Variants in AKT2 observed in about 807,000 individuals in gnomAD.
The protein encoded by AKT2 is RAC-beta serine/threonine-protein kinase.
Under a neutral mutation model 58.6 loss-of-function variants are expected in AKT2, and 16 were observed. That is an observed-to-expected ratio of 0.27 (90% CI 0.18 to 0.41). The LOEUF (loss-of-function observed/expected upper bound fraction) is 0.41, where lower values mean the gene tolerates loss of function less well. AKT2 is among the 10% of genes least tolerant of loss of function. The probability of loss-of-function intolerance (pLI) is 1.00; values close to 1 mark genes in which losing one functional copy is unlikely to be tolerated. For missense variants in AKT2, 438 were observed against 661.0 expected, an observed-to-expected ratio of 0.66 and a Z score of 3.70; for synonymous variants, 253 against 254.0, an observed-to-expected ratio of 1.00 and a Z score of 0.04.
chr19:40,234,471 G>A lies in AKT2; in HGVS notation c.1367-520C>T, dbSNP rs1302247119. On this transcript the variant is annotated intron_variant, in intron 13 of 13. Coordinates refer to ENST00000392038, the MANE Select transcript of AKT2 (RefSeq NM_001626.6). This position sits in a 1 kb window ranked among gnomAD's most constrained non-coding sequence, Gnocchi z 4.7. ...CACCACCATCTCCCTGGCTGCTGCC[G>A]GTCCTTAGCTATGCCATGCTTCTCC... 2.2e-5 allele frequency: 5 copies of A among 231,552 alleles called. No homozygotes were observed. The highest frequency in any genetic ancestry group is 3.4e-5 in the Non-Finnish European group (4 of 118,546). 14.3% of individuals were successfully genotyped at this position (231,552 alleles called of 1,614,324 possible).
chr19:40,252,284 G>C (rs995013815), intron 4 of AKT2, among the ~76,000 whole-genome samples: 1 of 152,168 alleles, frequency 6.6e-6, no homozygotes, highest in African/African-American at 2.4e-5. Context: ...CATAGTTAAG[G>C]TCAGAAATCT....
chr19:40,275,568 C>G (rs1473665018), intron 1 of AKT2: 1 of 346,082 alleles, frequency 2.9e-6, no homozygotes, highest in Non-Finnish European at 5.8e-6. Flanking sequence ...GGAGAGGGAC[C>G]GCAACCAGAG....
intron 10 of AKT2, 52 bp downstream of exon 10, chr19:40,236,205 G>A (rs2145166770): frequency 6.2e-7 from 1 of 1,613,376 alleles, no homozygotes; most frequent in Non-Finnish European, 8.5e-7. Context: ...AGGTCTGGGG[G>A]ATCCCCCTAC....
chr19:40,238,790 T>C lies in AKT2; in HGVS notation c.708+115A>G, dbSNP rs3730051. 0.25 allele frequency: 285,083 copies of C among 1,118,092 alleles called. 37,613 individuals carry two copies. The highest frequency in any genetic ancestry group is 0.31 in the East Asian group (13,270 of 42,364). 69.3% of individuals were successfully genotyped at this position (1,118,092 alleles called of 1,614,324 possible). ...CGCCTGCCTCAAGGGAGAGGGGCAC[T>C]AGATGACACTGAAATTTCCCTCCAC... On this transcript the variant is annotated intron_variant, in intron 8 of 13. Coordinates refer to ENST00000392038, the MANE Select transcript of AKT2 (RefSeq NM_001626.6). The surrounding 1 kb of genome is among the most constrained non-coding windows in gnomAD (Gnocchi z 5.1).
rs1266494541 is a variant in AKT2, at chr19:40,231,476, G to GCT, written c.*2394_*2395dup. The GCT allele has an allele frequency of 2.6e-5, 6 of 233,186 alleles. No individual in the cohort carries two copies. The highest frequency in any genetic ancestry group is 4.2e-5 in the Non-Finnish European group (5 of 118,060). 14.4% of individuals were successfully genotyped at this position (233,186 alleles called of 1,614,324 possible). On this transcript the variant is annotated 3_prime_UTR_variant, in exon 14 of 14. Transcript: ENST00000392038. The stretch of plus-strand genomic sequence containing the variant: ...CCCAACCAAACGAGTCCTAGCTGTA[G>GCT]CTAACTCTGATTTCTGTAAATTGGA...
Position 40,235,931 on chromosome 19 carries a change from C to A in AKT2, c.1134G>T (p.Lys378Asn), listed in dbSNP as rs1973994786. The A allele has an allele frequency of 1.2e-6, 2 of 1,613,548 alleles. No individual in the cohort carries two copies. The highest frequency in any genetic ancestry group is 2.2e-5 in the South Asian group (2 of 91,094). The change falls in exon 11 of 14, where the codon AAG (lysine) becomes AAT (asparagine). Residue 378 changes from lysine to asparagine, a missense_variant. By Grantham distance (94) the Lys-to-Asn change is moderately conservative (BLOSUM62 0). This residue lies in a region of AKT2 where 148 missense variants were observed against 199.5 expected (regional missense o/e 0.74). Transcript: ENST00000392038. The surrounding 1 kb of genome is among the most constrained non-coding windows in gnomAD (Gnocchi z 6.3). Reference sequence around the variant, plus strand: ...TCTTAAGCAGCCCAGCAAGCAGGGACTTGGCCTCGGGGCTGAGCGTGCGCG... The same window carrying A: ...TCTTAAGCAGCCCAGCAAGCAGGGAATTGGCCTCGGGGCTGAGCGTGCGCG... The part of the protein sequence containing the change: ...RFPRTLSPEA[K>N]SLLAGLLKKD...
At chr19:40,263,792 C>T (rs1976138289) in intron 2 of AKT2, among the ~76,000 whole-genome samples, 1 of 152,186 alleles carries the variant, frequency 6.6e-6, no homozygotes, top group Non-Finnish European at 1.5e-5. Context: ...GCCTGCAGCG[C>T]CAGCTTCCTG....
intron 1 of AKT2, chr19:40,282,337 G>A (rs1391217225): frequency 1.6e-5 from 6 of 381,736 alleles, no homozygotes; most frequent in African/African-American, 4.2e-5. Context: ...GTCCAAGGTC[G>A]CAGAGCTAGA....
intron 4 of AKT2, among the ~76,000 whole-genome samples, chr19:40,254,326 G>A (rs1226643120): frequency 1.3e-5 from 2 of 152,200 alleles, no homozygotes; most frequent in Admixed American, 6.5e-5. Flanking sequence ...CCAAAAGTTC[G>A]AGACCAGTGT....
chr19:40,269,169 A>AGG (rs1203647394), intron 1 of AKT2: 1 of 152,290 alleles, frequency 6.6e-6, no homozygotes, highest in African/African-American at 2.4e-5. Context: ...ACACTCAGGC[A>AGG]GGGGGACAGA....
chr19:40,242,765 G>T lies in AKT2; in HGVS notation c.288-78C>A. 1 of 1,508,258 alleles carries T rather than the reference G, an allele frequency of 6.6e-7. No homozygotes were observed. Among genetic ancestry groups the T allele is most frequent in the Non-Finnish European group, 9.0e-7 (1 of 1,105,990 alleles). The allele number at this position is 1,508,258 out of a possible 1,614,324, so 93.4% of individuals were successfully genotyped here. ...TCGAACAGCTGAGTGCCACCTCCCA[G>T]CCACCCCCAGCAACAGGCAAGCAAA... On this transcript the variant is annotated intron_variant, in intron 4 of 13. Transcript: ENST00000392038. This position sits in a 1 kb window ranked among gnomAD's most constrained non-coding sequence, Gnocchi z 4.3.
chr19:40,282,530 C>G (rs1411205735), intron 1 of AKT2: 3 of 531,672 alleles, frequency 5.6e-6, no homozygotes, highest in South Asian at 1.4e-5. Context: ...ATGCTCAGGG[C>G]AGCCTGAGGC....
intron 1 of AKT2, among the ~76,000 whole-genome samples, chr19:40,281,572 A>G (rs1049579634): frequency 2.0e-5 from 3 of 151,880 alleles, no homozygotes; most frequent in African/African-American, 7.3e-5. Flanking sequence ...TCAGGGCTGC[A>G]AAGCCACTGC....
Position 40,242,492 on chromosome 19 carries a change from G to C in AKT2, c.441+42C>G. ...GAGCAGGCCAGCACTGGGGGTGGGGGCACCGCAGGCTGGCAGCCCCACCCC... is the reference window on the plus strand; with the variant it reads ...GAGCAGGCCAGCACTGGGGGTGGGGCCACCGCAGGCTGGCAGCCCCACCCC... On this transcript the variant is annotated intron_variant, in intron 5 of 13. Transcript: ENST00000392038. The surrounding 1 kb of genome is among the most constrained non-coding windows in gnomAD (Gnocchi z 4.3). 6.2e-7 allele frequency: 1 copy of C among 1,611,062 alleles called. No individual in the cohort carries two copies. Among genetic ancestry groups the C allele is most frequent in the Non-Finnish European group, 8.5e-7 (1 of 1,179,526 alleles).
chr19:40,247,202 T>A (rs1055997432), intron 4 of AKT2, among the ~76,000 whole-genome samples: 1 of 152,174 alleles, frequency 6.6e-6, no homozygotes, highest in African/African-American at 2.4e-5. Flanking sequence ...CAACATGGCG[T>A]CTGGGGCAAA....
chr19:40,241,821 T>C, intron 6 of AKT2, 117 bp downstream of exon 6: 2 of 1,478,948 alleles, frequency 1.4e-6, no homozygotes, highest in Non-Finnish European at 1.8e-6. Context: ...AGGGGGAATT[T>C]GTGGGGGAAA....
rs1322051536 is a variant in AKT2, at chr19:40,230,535, G to GA, written c.*3336dup. 4 of 227,512 alleles carry GA rather than the reference G, an allele frequency of 1.8e-5. No individual in the cohort carries two copies. The highest frequency in any genetic ancestry group is 3.5e-5 in the Non-Finnish European group (4 of 114,588). 14.1% of individuals were successfully genotyped at this position (227,512 alleles called of 1,614,324 possible). ...CATCAGTGCACGAGGGCAGCCCCCA[G>GA]AGGCTTCACATTAACTGGAAAAGAT... is the stretch of plus-strand genomic sequence containing the variant. On this transcript the variant is annotated 3_prime_UTR_variant, in exon 14 of 14. Transcript: ENST00000392038.
chr19:40,276,713 T>A (rs1223883380), intron 1 of AKT2, among the ~76,000 whole-genome samples: 1 of 152,136 alleles, frequency 6.6e-6, no homozygotes, highest in African/African-American at 2.4e-5. Flanking sequence ...GTTTATGTTA[T>A]CTCAAAAGAT....
At chr19:40,271,177 CAAA>C (rs1263882304) in intron 1 of AKT2, among the ~76,000 whole-genome samples, 1 of 82,784 alleles carries the variant, frequency 1.2e-5, no homozygotes. Context: ...CTGTGTCTGC[CAAA>C]AAAAAAAAAA....
Sources: allele counts gnomAD v4.1 joint callset (sites outside exome capture counted in the v4.1 genomes callset), GRCh38; gene constraint gnomAD v4.1.1; regional missense constraint gnomAD v4.1.1; non-coding constraint Gnocchi (gnomAD v3.1); transcripts MANE v1.5; gene names NCBI Gene and HGNC (gene_info 2026-07-23, HGNC 2026-07-21).